Variants in TTN observed in about 807,000 individuals in gnomAD.
The protein encoded by TTN is connectin.
A neutral mutation model predicts 3,223.0 loss-of-function variants in TTN; 1,525 were observed. That is an observed-to-expected ratio of 0.47 (90% CI 0.45 to 0.49). TTN has a LOEUF of 0.49. Ranked by LOEUF, TTN falls within the 20% of genes least tolerant of loss-of-function variation. The pLI is 0.00. For missense variants in TTN, 40,786 were observed against 43,424.0 expected, an observed-to-expected ratio of 0.94 and a Z score of 5.40; for synonymous variants, 14,094 against 15,161.0, an observed-to-expected ratio of 0.93 and a Z score of 5.17.
At chr2:178,758,800 G>T (rs572548868) in intron 44 of TTN, 184 bp downstream of exon 44, 4 of 661,928 alleles carry the variant, frequency 6.0e-6, no homozygotes, top group South Asian at 5.4e-5. Context: ...GATGGTCTAT[G>T]ATTCACAATG....
In TTN at chr2:178,563,029, A is replaced by G. The variant is rs941715581; in HGVS notation, c.83103T>C (p.Gly27701=). 1 of 1,613,690 alleles carries G rather than the reference A, an allele frequency of 6.2e-7. No individual in the cohort carries two copies. The highest frequency in any genetic ancestry group is 1.3e-5 in the African/African-American group (1 of 75,032). ...ATLRLFVTIK[G]RPEPEVKWEK... Reference sequence around the variant, plus strand: ...CCCATTTAACTTCGGGTTCTGGTCGACCTTTGATAGTGACAAATAAGCGTA... The same window carrying G: ...CCCATTTAACTTCGGGTTCTGGTCGGCCTTTGATAGTGACAAATAAGCGTA... Residue 27701 remains glycine, a synonymous_variant, in exon 326 of 363, where the codon GGT becomes GGC. Coordinates refer to ENST00000589042, the MANE Select transcript of TTN (RefSeq NM_001267550.2). The surrounding 1 kb of genome is among the most constrained non-coding windows in gnomAD (Gnocchi z 4.5).
rs77483833 is a variant in TTN, at chr2:178,535,858, G to T, written c.100766-9C>A. 16 of 1,235,606 alleles carry T rather than the reference G, an allele frequency of 1.3e-5. No individual in the cohort carries two copies. Among genetic ancestry groups the T allele is most frequent in the Non-Finnish European group, 1.6e-5 (15 of 941,318 alleles). 76.5% of individuals were successfully genotyped at this position (1,235,606 alleles called of 1,614,324 possible). A position where few individuals can be genotyped will look rare whatever the true frequency, so the allele number is the denominator to read the frequency against. The stretch of plus-strand genomic sequence containing the variant: ...GTGTATCTTAGCTGGAACTGTATCA[G>T]AAAAAAAAAAAAAAAGAATATAATT... On this transcript the variant is annotated splice_polypyrimidine_tract_variant and intron_variant, in intron 357 of 362. Coordinates refer to ENST00000589042, the MANE Select transcript of TTN (RefSeq NM_001267550.2).
chr2:178,570,752 T>C lies in TTN; in HGVS notation c.75380A>G (p.Glu25127Gly), dbSNP rs768944134. 1.2e-6 allele frequency: 2 copies of C among 1,613,432 alleles called. No individual in the cohort carries two copies. The highest frequency in any genetic ancestry group is 2.7e-5 in the African/African-American group (2 of 74,876). Residue 25127 changes from glutamate to glycine, a missense_variant, in exon 326 of 363, where the codon GAA becomes GGA. Transcript: ENST00000589042. ...YKDTIVVHAG[E>G]SFKVDADIYG... ...AATATCTGCATCAACCTTGAATGAT[T>C]CACCAGCATGAACCACGATTGTGTC...
intron 43 of TTN, 148 bp downstream of exon 43, chr2:178,764,029 A>G: frequency 8.4e-7 from 1 of 1,184,752 alleles, no homozygotes; most frequent in South Asian, 1.3e-5. Context: ...TCTTAATTTA[A>G]TAATTGAAAT....
chr2:178,577,976 A>G lies in TTN; in HGVS notation c.68527+12T>C. ...AACATGCACCTGGGTTTTTCTTCAT[A>G]TAATGACTTACCAATTGGGTCCAGT... On this transcript the variant is annotated intron_variant, in intron 322 of 362. Coordinates refer to ENST00000589042, the MANE Select transcript of TTN (RefSeq NM_001267550.2). 6.2e-7 allele frequency: 1 copy of G among 1,608,392 alleles called. No homozygotes were observed. The highest frequency in any genetic ancestry group is 8.5e-7 in the Non-Finnish European group (1 of 1,177,784).
rs377714947 is a variant in TTN at position 178,702,640 on chromosome 2, G to A, written c.30247C>T (p.Arg10083Cys). The A allele has an allele frequency of 1.4e-5, 22 of 1,613,660 alleles. No homozygotes were observed. The highest frequency in any genetic ancestry group is 4.0e-5 in the African/African-American group (3 of 75,030). The change falls in exon 107 of 363, where the codon CGC becomes TGC. Residue 10083 changes from arginine (R) to cysteine (C), a missense_variant. Arg to Cys is a radical substitution (Grantham distance 180). Coordinates refer to ENST00000589042, the MANE Select transcript of TTN (RefSeq NM_001267550.2). ...TCACTCACCACGATGTTCTGTATGC[G>A]CTTTGTAAACTGAATTGGTTCAGCT... Reference protein sequence around the residue: ...IEAEPIQFTKRIQNIVVSEHQ... With the variant: ...IEAEPIQFTKCIQNIVVSEHQ...
chr2:178,527,904 C>G, intron 361 of TTN, 156 bp from the exon 362 acceptor site: 2 of 647,746 alleles, frequency 3.1e-6, no homozygotes, highest in South Asian at 5.4e-5. Flanking sequence ...TATATACATA[C>G]ATTTGTCAAG....
intron 47 of TTN, chr2:178,749,792 T>G (rs1197960233): frequency 6.2e-7 from 1 of 1,613,156 alleles, no homozygotes; most frequent in Non-Finnish European, 8.5e-7. Flanking sequence ...CTGAAACTTC[T>G]GGTTCTGCTT....
At chr2:178,772,242 G>A (rs1316488684) in intron 33 of TTN, among the ~76,000 whole-genome samples, 5 of 152,006 alleles carry the variant, frequency 3.3e-5, no homozygotes, top group Non-Finnish European at 5.9e-5. Context: ...TGTTTTACAA[G>A]TCTTTTCATG....
At position 178,585,172 on chromosome 2, in the gene TTN, C is replaced by G; in HGVS notation, c.64572G>C (p.Leu21524=). 6.2e-7 allele frequency: 1 copy of G among 1,613,366 alleles called. No individual in the cohort carries two copies. Reference sequence around the variant, plus strand: ...CTTTCCTAGTCACATCTTTTATGATCAGAATTGAAGAGCTGTCTGCTTTAT... The same window carrying G: ...CTTTCCTAGTCACATCTTTTATGATGAGAATTGAAGAGCTGTCTGCTTTAT... ...AVHKADSSSI[L]IIKDVTRKDS... Residue 21524 remains leucine (L), a synonymous_variant, in exon 309 of 363, where the codon CTG becomes CTC. Coordinates refer to ENST00000589042, the MANE Select transcript of TTN (RefSeq NM_001267550.2).
At position 178,766,612 on chromosome 2, in the gene TTN, C is replaced by A. The variant is rs748114137; in HGVS notation, c.9472G>T (p.Val3158Phe). Residue 3158 changes from valine (V) to phenylalanine (F), a missense_variant and splice_region_variant, in exon 41 of 363, where the codon GTC (valine) becomes TTC (phenylalanine). Val to Phe is a conservative substitution (Grantham distance 50). Transcript: ENST00000589042. ...ACAACAGCACGCTGTTTCTCAATGA[C>A]CTGTTGATGGAACAACATAAAAAAA... The part of the protein sequence containing the change: ...RIRSIKKEVQ[V>F]IEKQRAVVEF... 25 of 1,611,026 alleles carry A rather than the reference C, an allele frequency of 1.6e-5. No homozygotes were observed. The highest frequency in any genetic ancestry group is 2.0e-5 in the Non-Finnish European group (24 of 1,177,754).
rs72677241 is a variant in TTN, at chr2:178,615,128, A to G, written c.48639-160T>C. ...TATAACTGAATACATTTTCATTTCAATACTGTCATGAAAACCCTGAGCAGG... is the reference window on the plus strand; with the variant it reads ...TATAACTGAATACATTTTCATTTCAGTACTGTCATGAAAACCCTGAGCAGG... On this transcript the variant is annotated intron_variant, in intron 259 of 362. Transcript: ENST00000589042. Among the ~76,000 whole-genome samples, 1,025 of 152,074 alleles carry G rather than the reference A, an allele frequency of 6.7e-3. 12 individuals carry two copies. The highest frequency in any genetic ancestry group is 0.023 in the African/African-American group (969 of 41,540).
chr2:178,714,897 G>T (rs904229097), intron 90 of TTN, 89 bp downstream of exon 90: 64 of 1,483,756 alleles, frequency 4.3e-5, no homozygotes, highest in Non-Finnish European at 5.5e-5. Flanking sequence ...TAGGCTGCTA[G>T]TGATAAGACT....
intron 38 of TTN, 59 bp from the exon 39 acceptor site, chr2:178,768,214 AC>A (rs2090865738): frequency 6.4e-7 from 1 of 1,555,182 alleles, no homozygotes; most frequent in African/African-American, 1.4e-5. Context: ...GATATAATTC[AC>A]ATACTGTACA....
At chr2:178,596,036 G>A (rs921761435) in intron 294 of TTN, among the ~76,000 whole-genome samples, 3 of 147,214 alleles carry the variant, frequency 2.0e-5, no homozygotes, top group Admixed American at 6.8e-5. Flanking sequence ...TGTCACCCAG[G>A]CTGGAGTTCA....
Position 178,562,106 on chromosome 2 carries a change from A to T in TTN, c.84026T>A (p.Val28009Asp), listed in dbSNP as rs1337839201. ...TACAGTCTTTGAAGAAGAAACATTG[A>T]CTCTAGTTGTCTCTTTAAGAGTCTG... is the stretch of plus-strand genomic sequence containing the variant. Reference protein sequence around the residue: ...DGQTLKETTRVNVSSSKTVTS... With the variant: ...DGQTLKETTRDNVSSSKTVTS... The change falls in exon 326 of 363, where the codon GTC (valine) becomes GAC (aspartate). Residue 28009 changes from valine to aspartate, a missense_variant. Val to Asp is a radical substitution (Grantham distance 152, BLOSUM62 -3). Transcript: ENST00000589042. 2 of 1,613,184 alleles carry T rather than the reference A, an allele frequency of 1.2e-6. No homozygotes were observed. The highest frequency in any genetic ancestry group is 2.2e-5 in the East Asian group (1 of 44,718).
chr2:178,687,122 G>T (rs1460043697), intron 127 of TTN, among the ~76,000 whole-genome samples: 1 of 152,212 alleles, frequency 6.6e-6, no homozygotes. Flanking sequence ...GAAAAAAGGG[G>T]CATGGTGTGC....
rs1703452447 is a variant in TTN at position 178,561,025 on chromosome 2, GACA to G, written c.85104_85106del (p.Val28369del). ...TTATCTTAAGGACCTCTCCAGCTTTGACAACAATAACGTCTCGGAACTTGACAT... is the reference window on the plus strand; with the variant it reads ...TTATCTTAAGGACCTCTCCAGCTTTGACAATAACGTCTCGGAACTTGACAT... On this transcript the variant is annotated inframe_deletion, in exon 326 of 363. Coordinates refer to ENST00000589042, the MANE Select transcript of TTN (RefSeq NM_001267550.2). The G allele has an allele frequency of 1.2e-6, 2 of 1,613,828 alleles. No individual in the cohort carries two copies. The highest frequency in any genetic ancestry group is 1.7e-6 in the Non-Finnish European group (2 of 1,179,794).
At position 178,640,628 on chromosome 2, in the gene TTN, G is replaced by T. The variant is rs1393076582; in HGVS notation, c.40636C>A (p.Pro13546Thr). 9 of 1,572,458 alleles carry T rather than the reference G, an allele frequency of 5.7e-6. No homozygotes were observed. The highest frequency in any genetic ancestry group is 4.2e-5 in the African/African-American group (3 of 71,078). Residue 13546 changes from proline to threonine, a missense_variant and splice_region_variant, in exon 221 of 363, where the codon CCA becomes ACA. Transcript: ENST00000589042. ...ACAGGTTTTGGAGGTGGTGGTTCTG[G>T]TACTTTAAGATAAGATTATTTTTTC... The part of the protein sequence containing the change: ...KLEKVKKPAV[P>T]EPPPPKPVEE...
Sources: allele counts gnomAD v4.1 joint callset (sites outside exome capture counted in the v4.1 genomes callset), GRCh38; gene constraint gnomAD v4.1.1; non-coding constraint Gnocchi (gnomAD v3.1); transcripts MANE v1.5; gene names NCBI Gene and HGNC (gene_info 2026-07-23, HGNC 2026-07-21).